The following GSAP variants were observed in gnomAD, a reference collection of about 807,000 sequenced individuals.
The protein encoded by GSAP is gamma-secretase activating protein, also known as gamma-secretase-activating protein.
A neutral mutation model predicts 131.7 loss-of-function variants in GSAP; 118 were observed. The ratio of observed to expected loss-of-function variants is 0.90; its 90% CI spans 0.77 to 1.04. The LOEUF (loss-of-function observed/expected upper bound fraction) is 1.04. Among genes scored for constraint, GSAP ranks in the 50% least tolerant of loss-of-function variants. The pLI, the probability that GSAP is intolerant of heterozygous loss-of-function variation, is 0.00. For synonymous variants in GSAP, 381 were observed against 363.4 expected, an observed-to-expected ratio of 1.05 and a Z score of -0.55; for missense variants, 1,019 against 1,013.2, an observed-to-expected ratio of 1.01 and a Z score of -0.08.
intron 23 of GSAP, among the ~76,000 whole-genome samples, chr7:77,324,866 G>C (rs886955413): frequency 7.1e-6 from 1 of 141,686 alleles, no homozygotes; most frequent in Non-Finnish European, 1.5e-5. Context: ...ACTCAGGCTG[G>C]AGTGCAGTGA....
chr7:77,353,362 C>T (rs1793179422), intron 17 of GSAP, among the ~76,000 whole-genome samples: 2 of 151,468 alleles, frequency 1.3e-5, no homozygotes, highest in South Asian at 4.2e-4. Context: ...TCTTGTATCT[C>T]ATCAATCTCT....
intron 6 of GSAP, among the ~76,000 whole-genome samples, chr7:77,387,116 T>C (rs1360378697): frequency 6.6e-6 from 1 of 152,252 alleles, no homozygotes; most frequent in African/African-American, 2.4e-5. Flanking sequence ...TGTGTTTTAA[T>C]ATTTGATATT....
At chr7:77,393,674 CTT>C (rs773138759) in intron 5 of GSAP, among the ~76,000 whole-genome samples, 20 of 133,404 alleles carry the variant, frequency 1.5e-4, no homozygotes, top group Non-Finnish European at 9.5e-5. Flanking sequence ...TATATACTTT[CTT>C]TTTTTTTTTT....
At chr7:77,388,962 A>C (rs1181028235) in intron 5 of GSAP, among the ~76,000 whole-genome samples, 1 of 152,200 alleles carries the variant, frequency 6.6e-6, no homozygotes, top group African/African-American at 2.4e-5. Context: ...GCTTAGGATG[A>C]AAATCCTAGT....
intron 6 of GSAP, among the ~76,000 whole-genome samples, chr7:77,383,544 C>A (rs1180967866): frequency 6.6e-6 from 1 of 152,146 alleles, no homozygotes; most frequent in East Asian, 1.9e-4. Flanking sequence ...ACGACTGTCA[C>A]CAGGAAGAAA....
chr7:77,376,171 A>G (rs919378523), intron 10 of GSAP, among the ~76,000 whole-genome samples: 20 of 152,176 alleles, frequency 1.3e-4, no homozygotes, highest in African/African-American at 4.3e-4. Flanking sequence ...TACAGACCCC[A>G]TCAATTATTA....
rs780640050 is a variant in GSAP, at chr7:77,311,374, A to G, written c.2549T>C (p.Met850Thr). The part of the protein sequence containing the change: ...VEEAALKHTA[M>T]LLGL ...TTTTCTTTTTCATAAGCCTAAAAGC[A>G]TCGCGGTGTGTTTCAGAGCTGCTTC... The change falls in exon 31 of 31, where the codon ATG becomes ACG. Residue 850 changes from methionine to threonine, a missense_variant. Met to Thr is a moderately conservative substitution (Grantham distance 81). Transcript: ENST00000257626. 1 of 1,605,794 alleles carries G rather than the reference A, an allele frequency of 6.2e-7. No individual in the cohort carries two copies. The highest frequency in any genetic ancestry group is 1.1e-5 in the South Asian group (1 of 90,904).
chr7:77,358,636 AAATTCTATG>A (rs1279919216), intron 14 of GSAP, among the ~76,000 whole-genome samples: 1 of 152,232 alleles, frequency 6.6e-6, no homozygotes, highest in Non-Finnish European at 1.5e-5. Flanking sequence ...GATAAAAATC[AAATTCTATG>A]AATAAATATT....
chr7:77,390,946 TAAAAAAAAAA>T (rs71085453), intron 5 of GSAP, among the ~76,000 whole-genome samples: 57 of 37,924 alleles, frequency 1.5e-3, no homozygotes, highest in African/African-American at 4.3e-3. Flanking sequence ...AGACTCCGTC[TAAAAAAAAAA>T]AAAAAAAAAA....
At chr7:77,350,748 A>G (rs966656685) in intron 18 of GSAP, among the ~76,000 whole-genome samples, 3 of 152,008 alleles carry the variant, frequency 2.0e-5, no homozygotes, top group Non-Finnish European at 4.4e-5. Context: ...GTCTCCAAAG[A>G]AAAAAAAGAG....
intron 21 of GSAP, among the ~76,000 whole-genome samples, chr7:77,328,914 G>A (rs1260862755): frequency 1.3e-5 from 2 of 151,914 alleles, no homozygotes; most frequent in East Asian, 1.9e-4. Flanking sequence ...TAGAACAGAG[G>A]TTGGAATGGG....
chr7:77,403,713 A>T (rs1189355441), intron 3 of GSAP, among the ~76,000 whole-genome samples: 1 of 152,100 alleles, frequency 6.6e-6, no homozygotes, highest in African/African-American at 2.4e-5. Context: ...AGGACATTGG[A>T]CCTCCTACTT....
chr7:77,390,556 T>G (rs1043347118), intron 5 of GSAP, among the ~76,000 whole-genome samples: 4 of 152,050 alleles, frequency 2.6e-5, no homozygotes, highest in Admixed American at 6.6e-5. Context: ...TTTACCCATT[T>G]CTTCTTTTTG....
intron 20 of GSAP, chr7:77,330,012 A>T: frequency 2.8e-6 from 1 of 353,390 alleles, no homozygotes; most frequent in Non-Finnish European, 5.1e-6. Context: ...TTCTACTATG[A>T]ATGTGCTGTG....
At chr7:77,315,669 C>T (rs1352221065) in intron 26 of GSAP, 2 of 152,176 alleles carry the variant, frequency 1.3e-5, no homozygotes, top group Non-Finnish European at 2.9e-5. Flanking sequence ...ACCATAATGT[C>T]ACTGTTAATA....
intron 29 of GSAP, 63 bp from the exon 30 acceptor site, chr7:77,312,003 A>G: frequency 8.1e-7 from 1 of 1,235,894 alleles, no homozygotes; most frequent in African/African-American, 1.5e-5. Context: ...TTTAAAATAA[A>G]GTGATAAGAA....
rs186179135 is a variant in GSAP, at chr7:77,344,857, C to T, written c.1545+4494G>A. 4.3e-3 allele frequency among the ~76,000 whole-genome samples: 648 copies of T among 152,266 alleles called. 4 individuals are homozygous for T. The highest frequency in any genetic ancestry group is 0.017 in the Middle Eastern group (5 of 294). On this transcript the variant is annotated intron_variant, in intron 19 of 30. Transcript: ENST00000257626. ...CACTCTCACCTAGCCATTTCTAATC[C>T]TTCTTTAACAAACAATTGCTGGCTT...
At chr7:77,338,881 C>T (rs962672658) in intron 19 of GSAP, among the ~76,000 whole-genome samples, 3 of 152,166 alleles carry the variant, frequency 2.0e-5, no homozygotes, top group African/African-American at 7.2e-5. Context: ...CTTCAGAATG[C>T]AGACAGAACA....
intron 19 of GSAP, among the ~76,000 whole-genome samples, chr7:77,336,089 T>C (rs887538087): frequency 5.9e-5 from 9 of 152,236 alleles, no homozygotes; most frequent in Admixed American, 2.0e-4. Flanking sequence ...CTGAATATAA[T>C]TGGACTTGCT....
Sources: gnomAD v4.1 joint callset for allele counts (sites outside exome capture counted in the v4.1 genomes callset) on GRCh38, gnomAD v4.1.1 for gene constraint, MANE v1.5 for transcripts, NCBI Gene and HGNC (gene_info 2026-07-23, HGNC 2026-07-21) for gene names.